The following CCDC171 variants were observed in gnomAD, a reference collection of about 807,000 sequenced individuals.
CCDC171 encodes the protein coiled-coil domain containing 171, also known as coiled-coil domain-containing protein 171.
Under a neutral mutation model 168.2 loss-of-function variants are expected in CCDC171, and 177 were observed. That is an observed-to-expected ratio of 1.05 (90% CI 0.93 to 1.19). The LOEUF is 1.19. Ranked by LOEUF, CCDC171 falls within the 50% of genes most tolerant of loss-of-function variation. The probability of loss-of-function intolerance (pLI) is 0.00; values close to 1 mark genes in which losing one functional copy is unlikely to be tolerated. For missense variants in CCDC171, 1,991 were observed against 1,539.0 expected (o/e 1.29, Z -4.91); for synonymous variants, 687 against 540.8 (o/e 1.27, Z -3.75).
intron 18 of CCDC171, among the ~76,000 whole-genome samples, chr9:15,764,222 A>G (rs1295719957): frequency 6.6e-6 from 1 of 152,244 alleles, no homozygotes; most frequent in Admixed American, 6.5e-5. Flanking sequence ...AAACTATGGT[A>G]AGAACTTTAG....
intron 8 of CCDC171, among the ~76,000 whole-genome samples, chr9:15,659,526 T>G (rs933075647): frequency 6.6e-6 from 1 of 152,190 alleles, no homozygotes; most frequent in Admixed American, 6.6e-5. Flanking sequence ...ACTTAGATTC[T>G]CAGTATAAAC....
chr9:16,073,659 C>T, the CCDC171 span, among the ~76,000 whole-genome samples: 1 of 152,168 alleles, frequency 6.6e-6, no homozygotes, highest in Non-Finnish European at 1.5e-5. Flanking sequence ...ACCCATGTGC[C>T]TAGTGGCACT....
Position 16,058,053 on chromosome 9 carries a change from AAT to A in CCDC171, n.90-2591_90-2590del, listed in dbSNP as rs1554716683. Among the ~76,000 whole-genome samples the A allele has an allele frequency of 3.2e-3, 467 of 145,184 alleles. 3 individuals carry two copies. The highest frequency in any genetic ancestry group is 0.012 in the African/African-American group (425 of 36,710). On this transcript the variant is annotated intron_variant and non_coding_transcript_variant, in intron 1 of 1. Coordinates refer to the CCDC171 transcript ENST00000478913. ...GTTGTGAATTTTTTGAAAAAAAAAA[AAT>A]AATAATAATAATAATAAATTGGTTC...
chr9:15,871,646 C>G (rs2062041936), intron 23 of CCDC171, among the ~76,000 whole-genome samples: 1 of 151,874 alleles, frequency 6.6e-6, no homozygotes, highest in Admixed American at 6.6e-5. Context: ...TTGTTCTCAG[C>G]CTGCCTGTTC....
intron 25 of CCDC171, among the ~76,000 whole-genome samples, chr9:15,942,633 G>A (rs1307805387): frequency 1.3e-5 from 2 of 151,840 alleles, no homozygotes; most frequent in African/African-American, 4.8e-5. Flanking sequence ...GAAAAATAAT[G>A]CAAAGAATGG....
In CCDC171 at chr9:15,751,457, G is replaced by A. The variant is rs192143690; in HGVS notation, c.2671+5826G>A. ...TTTCATACGGAACCAAGAAGAGCCCGCATAGCCAAGACAATCCTAAGCAAA... is the reference window on the plus strand; with the variant it reads ...TTTCATACGGAACCAAGAAGAGCCCACATAGCCAAGACAATCCTAAGCAAA... On this transcript the variant is annotated intron_variant, in intron 18 of 25. Transcript: ENST00000380701. Among the ~76,000 whole-genome samples the A allele has an allele frequency of 1.7e-3, 266 of 152,260 alleles. 1 individual carries two copies. Among genetic ancestry groups the A allele is most frequent in the Non-Finnish European group, 2.7e-3 (184 of 68,014 alleles).
At chr9:15,843,517 G>A (rs2060771164) in intron 21 of CCDC171, among the ~76,000 whole-genome samples, 1 of 152,014 alleles carries the variant, frequency 6.6e-6, no homozygotes, top group African/African-American at 2.4e-5. Context: ...TGTGGATTAA[G>A]TGAAATATCT....
At chr9:15,566,167 T>A (rs1057487352) in intron 2 of CCDC171, among the ~76,000 whole-genome samples, 3 of 152,110 alleles carry the variant, frequency 2.0e-5, no homozygotes, top group African/African-American at 7.2e-5. Context: ...GTGAAATGTC[T>A]CTTCAGATCT....
At chr9:15,918,488 A>G (rs1404053791) in intron 24 of CCDC171, among the ~76,000 whole-genome samples, 2 of 151,558 alleles carry the variant, frequency 1.3e-5, no homozygotes, top group Non-Finnish European at 3.0e-5. Context: ...GAGAAGATAC[A>G]TGAATTTATA....
At chr9:15,699,056 C>G (rs1282488056) in intron 11 of CCDC171, among the ~76,000 whole-genome samples, 1 of 150,948 alleles carries the variant, frequency 6.6e-6, no homozygotes, top group East Asian at 1.9e-4. Flanking sequence ...TCACTGACTT[C>G]AAGAATGAAG....
intron 18 of CCDC171, among the ~76,000 whole-genome samples, chr9:15,766,891 G>A (rs2056753402): frequency 6.6e-6 from 1 of 152,082 alleles, no homozygotes. Context: ...CAAACTCCCG[G>A]CCTCAAGCAA....
intron 18 of CCDC171, among the ~76,000 whole-genome samples, chr9:15,747,125 G>A (rs189770230): frequency 6.6e-6 from 1 of 152,326 alleles, no homozygotes; most frequent in Non-Finnish European, 1.5e-5. Context: ...TGCTCACAGT[G>A]TAAACCAAGT....
chr9:15,681,052 T>C (rs1188297054), intron 10 of CCDC171, among the ~76,000 whole-genome samples: 3 of 151,702 alleles, frequency 2.0e-5, no homozygotes, highest in Non-Finnish European at 4.4e-5. Context: ...TACCAACAGA[T>C]TTTTTTTTCT....
At chr9:16,092,432 C>T in the CCDC171 span, among the ~76,000 whole-genome samples, 1 of 152,192 alleles carries the variant, frequency 6.6e-6, no homozygotes, top group Non-Finnish European at 1.5e-5. Context: ...GCTGGTCTGC[C>T]TGGGACAGCT....
chr9:15,934,864 G>A (rs992615694), intron 25 of CCDC171, among the ~76,000 whole-genome samples: 1 of 152,022 alleles, frequency 6.6e-6, no homozygotes, highest in African/African-American at 2.4e-5. Context: ...CAACATGGAT[G>A]CACTGTGAAA....
chr9:16,090,559 G>C, the CCDC171 span, among the ~76,000 whole-genome samples: 1 of 152,108 alleles, frequency 6.6e-6, no homozygotes, highest in Non-Finnish European at 1.5e-5. Context: ...AGAACTTAAA[G>C]TATAATTTAA....
intron 7 of CCDC171, 54 bp downstream of exon 7, chr9:15,623,467 G>GCT (rs1403216118): frequency 1.7e-6 from 1 of 587,366 alleles, no homozygotes; most frequent in South Asian, 2.1e-5. Context: ...TCACATATGC[G>GCT]CGCGCGCGCA....
At chr9:15,983,323 C>G (rs752650194) in intron 3 of CCDC171, among the ~76,000 whole-genome samples, 3 of 152,002 alleles carry the variant, frequency 2.0e-5, no homozygotes, top group Non-Finnish European at 4.4e-5. Flanking sequence ...CTTCATTTCT[C>G]TTTTTTCCTG....
At chr9:15,644,132 T>C (rs575906037) in intron 7 of CCDC171, among the ~76,000 whole-genome samples, 1 of 152,364 alleles carries the variant, frequency 6.6e-6, no homozygotes, top group East Asian at 1.9e-4. Context: ...GTTTAATTTT[T>C]TGAGCAGCTA....
Sources: allele counts gnomAD v4.1 joint callset (sites outside exome capture counted in the v4.1 genomes callset), GRCh38; gene constraint gnomAD v4.1.1; transcripts MANE v1.5; gene names NCBI Gene and HGNC (gene_info 2026-07-23, HGNC 2026-07-21).